ANKRD24: variants seen among roughly 807,000 people sequenced by gnomAD.
The protein encoded by ANKRD24 is ankyrin repeat domain 24.
Under a neutral mutation model 127.8 loss-of-function variants are expected in ANKRD24, and 109 were observed. The observed-to-expected ratio is 0.85, with a 90% CI of 0.73 to 1.00. The LOEUF is 1.00. Ranked by LOEUF, ANKRD24 falls within the 50% of genes least tolerant of loss-of-function variation. The pLI is 0.00. For synonymous variants in ANKRD24, 743 were observed against 671.1 expected (o/e 1.11, Z -1.66); for missense variants, 1,648 against 1,570.2 (o/e 1.05, Z -0.84).
At chr19:4,185,705 A>G (rs1302737184) in intron 1 of ANKRD24, among the ~76,000 whole-genome samples, 2 of 152,216 alleles carry the variant, frequency 1.3e-5, no homozygotes, top group African/African-American at 2.4e-5. Context: ...TTGCTGTCAC[A>G]TGGAGGTTCC....
At chr19:4,194,003 G>A (rs1968554740) in intron 2 of ANKRD24, among the ~76,000 whole-genome samples, 2 of 152,136 alleles carry the variant, frequency 1.3e-5, no homozygotes, top group South Asian at 4.2e-4. Flanking sequence ...GGTTTGTGGT[G>A]CAGACCAGCC....
intron 7 of ANKRD24, among the ~76,000 whole-genome samples, chr19:4,204,374 G>T (rs1331814192): frequency 6.6e-6 from 1 of 152,156 alleles, no homozygotes; most frequent in Non-Finnish European, 1.5e-5. Context: ...GCTTGATGAG[G>T]CTTAATGAGG....
rs370963079 is a variant in ANKRD24 at position 4,207,871 on chromosome 19, G to T, written c.735G>T (p.Ala245=). The change falls in exon 10 of 22, where the codon GCG becomes GCT. Residue 245 remains alanine (A), a synonymous_variant. Coordinates refer to ENST00000318934, the MANE Select transcript of ANKRD24 (RefSeq NM_001393985.1). ...QGGAQPGITD[A]LGQDAAHYGA... ...GAGCCCAGCCGGGCATCACCGATGCGCTGGGGCAGGACGCGGCTCACTATG... is the reference window on the plus strand; with the variant it reads ...GAGCCCAGCCGGGCATCACCGATGCTCTGGGGCAGGACGCGGCTCACTATG... 62 of 1,559,878 alleles carry T rather than the reference G, an allele frequency of 4.0e-5. No individual in the cohort carries two copies. The highest frequency in any genetic ancestry group is 5.2e-5 in the Non-Finnish European group (60 of 1,154,926).
At chr19:4,204,636 G>A (rs1393266183) in intron 7 of ANKRD24, among the ~76,000 whole-genome samples, 2 of 152,130 alleles carry the variant, frequency 1.3e-5, no homozygotes, top group Admixed American at 6.6e-5. Flanking sequence ...CTCAGCCCCC[G>A]ACCTGTCCGC....
rs559332168 is a variant in ANKRD24 at position 4,217,272 on chromosome 19, C to T, written c.2112C>T (p.Ile704=). Residue 704 remains isoleucine, a synonymous_variant, in exon 18 of 22, where the codon ATC becomes ATT. Transcript: ENST00000318934. ...GGGTAGAGGCCACGGTCCCGGGGAT[C>T]TCTGCTGGCCCCATCCTACATCCTG... The part of the protein sequence containing the change: ...NPGVEATVPG[I]SAGPILHPGA... 10 of 1,563,280 alleles carry T rather than the reference C, an allele frequency of 6.4e-6. No homozygotes were observed. The highest frequency in any genetic ancestry group is 8.7e-6 in the Non-Finnish European group (10 of 1,153,980).
intron 11 of ANKRD24, 24 bp from the exon 12 acceptor site, chr19:4,210,034 A>ACTCTCTCTCCCCTCCCTTCC: frequency 6.4e-7 from 1 of 1,551,292 alleles, no homozygotes; most frequent in Non-Finnish European, 8.8e-7. Context: ...GGCCCCCTTC[A>ACTCTCTCTCCCCTCCCTTCC]CTCTCTCTCC....
rs551255313 is a variant in ANKRD24, at chr19:4,223,369, A to G, written c.3297+574A>G. On this transcript the variant is annotated intron_variant, in intron 20 of 21. Transcript: ENST00000318934. ...CCTCAACCTCCCAAAGTGCCTGGCC[A>G]TACATATATATATATATATATATAT... is the stretch of plus-strand genomic sequence containing the variant. Among the ~76,000 whole-genome samples, 12 of 68,524 alleles carry G rather than the reference A, an allele frequency of 1.8e-4. No homozygotes were observed. In the South Asian group the frequency reaches 5.2e-3, roughly 29 times the overall value. The allele number at this position is 68,524 out of a possible 152,430, so 45.0% of individuals were successfully genotyped here. A position where few individuals can be genotyped will look rare whatever the true frequency, so the allele number is the denominator to read the frequency against.
chr19:4,193,695 G>A (rs1217839607), intron 2 of ANKRD24, among the ~76,000 whole-genome samples: 2 of 151,930 alleles, frequency 1.3e-5, no homozygotes, highest in Admixed American at 1.3e-4. Context: ...AAATTAGCCA[G>A]GCATGGTGGC....
chr19:4,220,193 G>C (rs559896515), intron 19 of ANKRD24, among the ~76,000 whole-genome samples: 1 of 152,038 alleles, frequency 6.6e-6, no homozygotes, highest in African/African-American at 2.4e-5. Context: ...GGCTGGTCTC[G>C]AACTCCTGAG....
Position 4,217,935 on chromosome 19 carries a change from G to A in ANKRD24, c.2775G>A (p.Glu925=). 8 of 1,500,356 alleles carry A rather than the reference G, an allele frequency of 5.3e-6. No individual in the cohort carries two copies. The highest frequency in any genetic ancestry group is 7.1e-6 in the Non-Finnish European group (8 of 1,132,274). The allele number at this position is 1,500,356 out of a possible 1,614,324, so 92.9% of individuals were successfully genotyped here. The change falls in exon 18 of 22, where the codon GAG becomes GAA. Residue 925 remains glutamate (E), a synonymous_variant. Coordinates refer to ENST00000318934, the MANE Select transcript of ANKRD24 (RefSeq NM_001393985.1). ...CTGAGCACCGCCGGCTGCAGGAGGAGGCCCTGGAGCTGCGGGGCCGGGCAG... is the reference window on the plus strand; with the variant it reads ...CTGAGCACCGCCGGCTGCAGGAGGAAGCCCTGGAGCTGCGGGGCCGGGCAG... ...PASEHRRLQE[E]ALELRGRAAS...
Position 4,199,852 on chromosome 19 carries a change from G to C in ANKRD24, c.124-23G>C. 6.4e-7 allele frequency: 1 copy of C among 1,555,000 alleles called. No homozygotes were observed. Among genetic ancestry groups the C allele is most frequent in the Non-Finnish European group, 8.7e-7 (1 of 1,149,368 alleles). ...GGGACAGCAGCCAACACTGCCCCAC[G>C]CACTTCTGGGCGTGCCCTGCAGAGT... On this transcript the variant is annotated intron_variant, in intron 3 of 21. Coordinates refer to ENST00000318934, the MANE Select transcript of ANKRD24 (RefSeq NM_001393985.1). This position sits in a 1 kb window ranked among gnomAD's most constrained non-coding sequence, Gnocchi z 5.2.
rs781435804 is a variant in ANKRD24, at chr19:4,219,724, A to T, written c.3137A>T (p.Glu1046Val). ...CGCCAGGCCCAGAGCCGGGCCCAGG[A>T]GGCTCTGGACAAGGCCAAGGAGAAG... is the stretch of plus-strand genomic sequence containing the variant. ...RARQAQSRAQ[E>V]ALDKAKEKDK... is the part of the protein sequence containing the mutation. Residue 1046 changes from glutamate to valine, a missense_variant, in exon 19 of 22, where the codon GAG (glutamate) becomes GTG (valine). Coordinates refer to ENST00000318934, the MANE Select transcript of ANKRD24 (RefSeq NM_001393985.1). The T allele has an allele frequency of 3.1e-6, 5 of 1,612,862 alleles. No homozygotes were observed. Among genetic ancestry groups the T allele is most frequent in the Non-Finnish European group, 4.2e-6 (5 of 1,179,512 alleles).
At chr19:4,197,087 G>A (rs1354356163) in intron 2 of ANKRD24, among the ~76,000 whole-genome samples, 1 of 152,140 alleles carries the variant, frequency 6.6e-6, no homozygotes, top group East Asian at 1.9e-4. Flanking sequence ...CATCCTCCCG[G>A]TAACCCTCCG....
chr19:4,190,900 T>C (rs780671531), intron 2 of ANKRD24, among the ~76,000 whole-genome samples: 2 of 152,230 alleles, frequency 1.3e-5, no homozygotes, highest in African/African-American at 4.8e-5. Flanking sequence ...AGCATAGTTA[T>C]ATTTAATATT....
chr19:4,199,781 G>T lies in ANKRD24; in HGVS notation c.123+12G>T, dbSNP rs1031087850. On this transcript the variant is annotated intron_variant, in intron 3 of 21. Transcript: ENST00000318934. The surrounding 1 kb of genome is among the most constrained non-coding windows in gnomAD (Gnocchi z 5.2). ...GAGGCAGGCGCCAGGCAAGTGCCCAGGGGCAGGTGGTGAGAGCCCGGAGCC... is the reference window on the plus strand; with the variant it reads ...GAGGCAGGCGCCAGGCAAGTGCCCATGGGCAGGTGGTGAGAGCCCGGAGCC... 1.3e-6 allele frequency: 2 copies of T among 1,534,180 alleles called. No individual in the cohort carries two copies. Among genetic ancestry groups the T allele is most frequent in the African/African-American group, 1.4e-5 (1 of 72,654 alleles).
Position 4,224,131 on chromosome 19 carries a change from C to T in ANKRD24, c.3302C>T (p.Ala1101Val). ...GCCCCTTCCTCATGCCCACAGGAAGCTGCCAGGGACCACTCCAGCGTGGTG... is the reference window on the plus strand; with the variant it reads ...GCCCCTTCCTCATGCCCACAGGAAGTTGCCAGGGACCACTCCAGCGTGGTG... ...VKDLQQQLQE[A>V]ARDHSSVVAL... Residue 1101 changes from alanine (A) to valine (V), a missense_variant, in exon 21 of 22, where the codon GCT becomes GTT. Physicochemically the swap from Ala to Val is moderately conservative, Grantham distance 64. Coordinates refer to ENST00000318934, the MANE Select transcript of ANKRD24 (RefSeq NM_001393985.1). 6.2e-7 allele frequency: 1 copy of T among 1,612,716 alleles called. No individual in the cohort carries two copies. Among genetic ancestry groups the T allele is most frequent in the Non-Finnish European group, 8.5e-7 (1 of 1,179,656 alleles).
intron 15 of ANKRD24, among the ~76,000 whole-genome samples, chr19:4,213,117 C>CCTGGGT (rs2145363613): frequency 6.6e-6 from 1 of 152,100 alleles, no homozygotes; most frequent in African/African-American, 2.4e-5. Flanking sequence ...GGTGACAGAG[C>CCTGGGT]GAGACTCAGT....
intron 2 of ANKRD24, among the ~76,000 whole-genome samples, chr19:4,191,401 C>T (rs1456116206): frequency 3.9e-5 from 6 of 152,166 alleles, no homozygotes; most frequent in Admixed American, 6.5e-5. Context: ...GGGCACTCTC[C>T]GGCCTTTCCT....
chr19:4,194,897 G>A (rs544066902), intron 2 of ANKRD24, among the ~76,000 whole-genome samples: 1 of 152,288 alleles, frequency 6.6e-6, no homozygotes, highest in East Asian at 1.9e-4. Context: ...CCAGGGCTTG[G>A]ATGAAGCCTG....
Sources: allele counts gnomAD v4.1 joint callset (sites outside exome capture counted in the v4.1 genomes callset), GRCh38; gene constraint gnomAD v4.1.1; non-coding constraint Gnocchi (gnomAD v3.1); transcripts MANE v1.5; gene names NCBI Gene and HGNC (gene_info 2026-07-23, HGNC 2026-07-21).